The following RBFOX2 variants were observed in gnomAD, a reference collection of about 807,000 sequenced individuals.
The protein encoded by RBFOX2 is RNA binding protein fox-1 homolog 2.
A neutral mutation model predicts 49.1 loss-of-function variants in RBFOX2; 10 were observed. The observed-to-expected ratio is 0.20, with a 90% confidence interval of 0.13 to 0.35. RBFOX2 has a LOEUF of 0.35. RBFOX2 is among the 10% of genes least tolerant of loss of function. The pLI is 1.00. For missense variants in RBFOX2, 323 were observed against 486.9 expected (o/e 0.66, Z 3.17); for synonymous variants, 183 against 187.4 (o/e 0.98, Z 0.19).
chr22:35,818,684 G>C (rs990329474), intron 1 of RBFOX2, among the ~76,000 whole-genome samples: 6 of 152,126 alleles, frequency 3.9e-5, no homozygotes, highest in Non-Finnish European at 7.3e-5. Context: ...CTACTCAGGG[G>C]GCTGAGGTGA....
chr22:35,930,601 A>G (rs1253913308), intron 1 of RBFOX2, among the ~76,000 whole-genome samples: 3 of 151,808 alleles, frequency 2.0e-5, no homozygotes, highest in African/African-American at 7.3e-5. Flanking sequence ...AGGCTGAAGC[A>G]GGCGGATCAC....
chr22:36,028,272 C>A lies in RBFOX2; in HGVS notation c.154G>T (p.Glu52Ter). The stretch of plus-strand genomic sequence containing the variant: ...CCGCCGCCACCGTCGGCCGCCGCCT[C>A]CTCAGTGCGCGGCCGCTTGCTCAGG... Residue 52 changes from glutamate (E) to a stop codon, truncating the protein, a stop_gained, in exon 1 of 14, where the codon GAG becomes TAG. Transcript: ENST00000438146. LOFTEE classifies it high-confidence loss of function. 6.5e-7 allele frequency: 1 copy of A among 1,535,384 alleles called. No individual in the cohort carries two copies. Among genetic ancestry groups the A allele is most frequent in the Non-Finnish European group, 8.7e-7 (1 of 1,150,832 alleles).
At chr22:35,837,601 C>T (rs1281356568) in intron 1 of RBFOX2, among the ~76,000 whole-genome samples, 3 of 152,028 alleles carry the variant, frequency 2.0e-5, no homozygotes, top group Non-Finnish European at 1.5e-5. Flanking sequence ...GATTGTTTTC[C>T]CCCTAGATTA....
intron 1 of RBFOX2, among the ~76,000 whole-genome samples, chr22:35,831,911 C>A (rs758988579): frequency 6.6e-6 from 1 of 152,184 alleles, no homozygotes; most frequent in Non-Finnish European, 1.5e-5. Flanking sequence ...GGGCAAGACT[C>A]AGATACTAAA....
At chr22:35,941,508 G>A (rs748744074), upstream of RBFOX2, among the ~76,000 whole-genome samples, 1 of 152,088 alleles carries the variant, frequency 6.6e-6, no homozygotes, top group Non-Finnish European at 1.5e-5. Context: ...GTGTCTGCTG[G>A]ACTACAAACC....
rs564290756 is a variant in RBFOX2 at position 36,006,847 on chromosome 22, A to C, written c.186+21393T>G. On this transcript the variant is annotated intron_variant, in intron 1 of 13. Coordinates refer to the RBFOX2 transcript ENST00000438146. ...CACCCCAGCCAGATAAGAATCCCTCAATTCCTCCATTATGCTCCCATAGAA... is the reference window on the plus strand; with the variant it reads ...CACCCCAGCCAGATAAGAATCCCTCCATTCCTCCATTATGCTCCCATAGAA... Among the ~76,000 whole-genome samples the C allele has an allele frequency of 2.3e-4, 35 of 152,226 alleles. 3 individuals are homozygous for C. The South Asian group carries it at 7.3e-3, about 32-fold the overall frequency.
chr22:35,803,403 T>C (rs1043199298), intron 2 of RBFOX2, among the ~76,000 whole-genome samples: 2 of 152,196 alleles, frequency 1.3e-5, no homozygotes, highest in African/African-American at 4.8e-5. Context: ...AGGCTGGGCA[T>C]GGTGTCTCAC....
chr22:35,850,600 T>G (rs953986884), intron 1 of RBFOX2, among the ~76,000 whole-genome samples: 3 of 152,208 alleles, frequency 2.0e-5, no homozygotes, highest in African/African-American at 7.2e-5. Flanking sequence ...AAAAGCCAGT[T>G]GCTTTTCTCC....
intron 1 of RBFOX2, among the ~76,000 whole-genome samples, chr22:35,839,536 A>G (rs1958352372): frequency 6.6e-6 from 1 of 152,168 alleles, no homozygotes; most frequent in South Asian, 2.1e-4. Context: ...TCTCTCCTTC[A>G]AATGTATTTT....
At chr22:35,782,543 G>GAT (rs1945399457) in intron 2 of RBFOX2, among the ~76,000 whole-genome samples, 2 of 152,182 alleles carry the variant, frequency 1.3e-5, no homozygotes, top group African/African-American at 4.8e-5. Flanking sequence ...GGATGGTCTT[G>GAT]ATCTCCTGAC....
intron 2 of RBFOX2, among the ~76,000 whole-genome samples, chr22:35,792,217 T>G (rs1431943354): frequency 6.6e-6 from 1 of 150,906 alleles, no homozygotes; most frequent in East Asian, 1.9e-4. Context: ...CTTGGGAAGC[T>G]TTGGCACGAG....
chr22:35,966,724 T>C lies in RBFOX2; in HGVS notation c.187-27827A>G, dbSNP rs532356944. Among the ~76,000 whole-genome samples the C allele has an allele frequency of 5.0e-4, 76 of 152,322 alleles. 1 individual carries two copies. Among genetic ancestry groups the C allele is most frequent in the African/African-American group, 1.7e-3 (70 of 41,576 alleles). ...TATATATGGGTTTGTAGTTGTTATTTAGATATTCTAGAGACTAGCCAGATC... is the reference window on the plus strand; with the variant it reads ...TATATATGGGTTTGTAGTTGTTATTCAGATATTCTAGAGACTAGCCAGATC... On this transcript the variant is annotated intron_variant, in intron 1 of 13. Coordinates refer to the RBFOX2 transcript ENST00000438146.
At chr22:35,794,870 A>G (rs956231202) in intron 2 of RBFOX2, among the ~76,000 whole-genome samples, 8 of 152,196 alleles carry the variant, frequency 5.3e-5, no homozygotes, top group Admixed American at 3.9e-4. Context: ...GCAATTTTTT[A>G]GTTTAGTTTC....
chr22:35,746,140 C>T, intron 10 of RBFOX2, 145 bp from the exon 13 acceptor site: 1 of 743,398 alleles, frequency 1.3e-6, no homozygotes, highest in South Asian at 1.8e-5. Context: ...AGGAAAAAAC[C>T]TTTCTATTTC....
chr22:35,816,916 G>T (rs1289337136), intron 1 of RBFOX2, among the ~76,000 whole-genome samples: 1 of 152,132 alleles, frequency 6.6e-6, no homozygotes, highest in Non-Finnish European at 1.5e-5. Context: ...AAGCAAAGAT[G>T]ACCATATTTT....
chr22:35,828,401 T>C (rs547832726), intron 1 of RBFOX2, among the ~76,000 whole-genome samples: 3 of 152,124 alleles, frequency 2.0e-5, no homozygotes, highest in South Asian at 2.1e-4. Flanking sequence ...GTTCCATGAA[T>C]TGAGAAGATA....
intron 1 of RBFOX2, chr22:35,836,420 G>GA (rs977768420): frequency 6.6e-6 from 1 of 152,266 alleles, no homozygotes; most frequent in Non-Finnish European, 1.5e-5. Flanking sequence ...CAGCTCAGGT[G>GA]AAAGACTTCA....
chr22:35,831,757 C>A (rs1310159835), intron 1 of RBFOX2, among the ~76,000 whole-genome samples: 1 of 152,134 alleles, frequency 6.6e-6, no homozygotes, highest in East Asian at 1.9e-4. Flanking sequence ...TTTGTCTCTT[C>A]CAAACTTCTT....
At chr22:35,880,178 T>C (rs1258299595) in intron 1 of RBFOX2, among the ~76,000 whole-genome samples, 1 of 150,676 alleles carries the variant, frequency 6.6e-6, no homozygotes, top group African/African-American at 2.4e-5. Flanking sequence ...GAAGAGCTAG[T>C]ATGGATTGAA....
Sources: gnomAD v4.1 joint callset for allele counts (sites outside exome capture counted in the v4.1 genomes callset) on GRCh38, gnomAD v4.1.1 for gene constraint, MANE v1.5 for transcripts, NCBI Gene and HGNC (gene_info 2026-07-23, HGNC 2026-07-21) for gene names.